UBN1: variants seen among roughly 807,000 people sequenced by gnomAD.
UBN1 encodes the protein ubinuclein 1.
UBN1 carries 17 observed loss-of-function variants against 108.5 expected under a neutral mutation model. That is an observed-to-expected ratio of 0.16 (90% CI 0.11 to 0.24). The LOEUF (loss-of-function observed/expected upper bound fraction) is 0.24. Among genes scored for constraint, UBN1 ranks in the 10% least tolerant of loss-of-function variants. The probability of loss-of-function intolerance (pLI) is 1.00; values close to 1 mark genes in which losing one functional copy is unlikely to be tolerated. For synonymous variants in UBN1, 726 were observed against 564.2 expected (o/e 1.29, Z -4.07); for missense variants, 1,595 against 1,394.4 (o/e 1.14, Z -2.29).
chr16:4,849,354 CA>C (rs1444557950), intron 1 of UBN1, among the ~76,000 whole-genome samples: 1 of 151,918 alleles, frequency 6.6e-6, no homozygotes. Flanking sequence ...AAAACAAAAA[CA>C]AAAACCAAAA....
rs1045860010 is a variant in UBN1 at position 4,858,620 on chromosome 16, A to G, written c.389A>G (p.Tyr130Cys). 1 of 1,614,214 alleles carries G rather than the reference A, an allele frequency of 6.2e-7. No homozygotes were observed. Among genetic ancestry groups the G allele is most frequent in the South Asian group, 1.1e-5 (1 of 91,092 alleles). ...DRIQDLIDMG[Y>C]GYDESDSFID... is the part of the protein sequence containing the mutation. Reference sequence around the variant, plus strand: ...ATACAGGACTTGATCGATATGGGGTATGGTTATGATGAATCCGACTCCTTC... The same window carrying G: ...ATACAGGACTTGATCGATATGGGGTGTGGTTATGATGAATCCGACTCCTTC... Residue 130 changes from tyrosine (Y) to cysteine (C), a missense_variant, in exon 4 of 18, where the codon TAT (tyrosine) becomes TGT (cysteine). Tyr to Cys is a radical substitution (Grantham distance 194, BLOSUM62 -2). This residue lies in a region of UBN1 where 16 missense variants were observed against 42.4 expected (regional missense o/e 0.38). Coordinates refer to ENST00000262376, the MANE Select transcript of UBN1 (RefSeq NM_001079514.3).
intron 12 of UBN1, 39 bp from the exon 13 acceptor site, chr16:4,872,845 T>C: frequency 6.2e-7 from 1 of 1,613,308 alleles, no homozygotes; most frequent in African/African-American, 1.3e-5. Flanking sequence ...CCCAGCTTTC[T>C]GGGGCATGTA....
At position 4,868,935 on chromosome 16, in the gene UBN1, C is replaced by G; in HGVS notation, c.1181+32C>G. 2.5e-6 allele frequency: 4 copies of G among 1,607,738 alleles called. 1 individual carries two copies. In the South Asian group the frequency reaches 3.3e-5, roughly 13 times the overall value. On this transcript the variant is annotated intron_variant, in intron 8 of 17. Transcript: ENST00000262376. ...ATCGTCTGTCTGTCTGTCTGTCTGT[C>G]TGTTTCTGCTATTACTGAGCTTGGG...
intron 8 of UBN1, among the ~76,000 whole-genome samples, chr16:4,869,857 G>A (rs991930770): frequency 4.6e-5 from 7 of 152,258 alleles, no homozygotes; most frequent in South Asian, 2.1e-4. Flanking sequence ...AAATGCTGCC[G>A]GGAAGTGTCT....
intron 17 of UBN1, among the ~76,000 whole-genome samples, chr16:4,879,765 C>A (rs1192039305): frequency 6.6e-6 from 1 of 152,172 alleles, no homozygotes; most frequent in South Asian, 2.1e-4. Context: ...TCTGTGTGAT[C>A]GTCAGGCCTC....
chr16:4,871,741 C>A (rs1443661136), intron 12 of UBN1, among the ~76,000 whole-genome samples: 1 of 151,940 alleles, frequency 6.6e-6, no homozygotes, highest in Non-Finnish European at 1.5e-5. Flanking sequence ...TGCCTGCCAC[C>A]ATGCCCGGCT....
rs575978414 is a variant in UBN1 at position 4,861,568 on chromosome 16, G to C, written c.1110+466G>C. On this transcript the variant is annotated intron_variant, in intron 7 of 17. Coordinates refer to ENST00000262376, the MANE Select transcript of UBN1 (RefSeq NM_001079514.3). The stretch of plus-strand genomic sequence containing the variant: ...CGCTCCCTTGCGTTGTGTATCCAGT[G>C]TTAGGTAGTGATTACAGGAATGCCT... Among the ~76,000 whole-genome samples, 9 of 152,368 alleles carry C rather than the reference G, an allele frequency of 5.9e-5. No homozygotes were observed. In the East Asian group the frequency reaches 1.7e-3, roughly 29 times the overall value.
intron 8 of UBN1, 118 bp from the exon 9 acceptor site, chr16:4,870,094 C>A: frequency 1.4e-6 from 2 of 1,476,828 alleles, no homozygotes; most frequent in Non-Finnish European, 1.8e-6. Context: ...ATTGTGTGAC[C>A]AACAAGACAG....
At chr16:4,873,602 C>G (rs2087741613) in intron 14 of UBN1, among the ~76,000 whole-genome samples, 1 of 152,180 alleles carries the variant, frequency 6.6e-6, no homozygotes, top group Non-Finnish European at 1.5e-5. Flanking sequence ...GTGCCCTTAG[C>G]CATCCCTAAG....
chr16:4,863,030 C>G (rs757005070), intron 7 of UBN1, among the ~76,000 whole-genome samples: 3 of 152,192 alleles, frequency 2.0e-5, no homozygotes, highest in Non-Finnish European at 4.4e-5. Flanking sequence ...TTGCCCTTCT[C>G]CTATAACAGC....
chr16:4,869,893 CT>C (rs2087534415), intron 8 of UBN1, among the ~76,000 whole-genome samples: 1 of 152,158 alleles, frequency 6.6e-6, no homozygotes, highest in Non-Finnish European at 1.5e-5. Context: ...TAACTCATGA[CT>C]TTCCACTTTG....
chr16:4,860,437 C>A (rs1039122185), intron 6 of UBN1, among the ~76,000 whole-genome samples: 2 of 152,322 alleles, frequency 1.3e-5, no homozygotes, highest in South Asian at 4.1e-4. Context: ...AAAAACCCGT[C>A]GGAAATTTAG....
rs1567905300 is a variant in UBN1 at position 4,859,930 on chromosome 16, G to A, written c.633G>A (p.Lys211=). 4.3e-6 allele frequency: 7 copies of A among 1,614,128 alleles called. No homozygotes were observed. Among genetic ancestry groups the A allele is most frequent in the Non-Finnish European group, 4.2e-6 (5 of 1,180,024 alleles). The change falls in exon 6 of 18, where the codon AAG becomes AAA. Residue 211 remains lysine (K), a synonymous_variant. Transcript: ENST00000262376. ...KKKKKDDTYD[K]EKKSKKSKFS... Reference sequence around the variant, plus strand: ...AGAAAAAAGATGACACTTATGACAAGGAGAAGAAATCGAAAAAGTCCAAGT... The same window carrying A: ...AGAAAAAAGATGACACTTATGACAAAGAGAAGAAATCGAAAAAGTCCAAGT...
At chr16:4,856,139 G>T (rs1020162700) in intron 2 of UBN1, among the ~76,000 whole-genome samples, 1 of 152,146 alleles carries the variant, frequency 6.6e-6, no homozygotes, top group Non-Finnish European at 1.5e-5. Flanking sequence ...AGCAGGAGTT[G>T]GTTAATGTGT....
intron 14 of UBN1, among the ~76,000 whole-genome samples, chr16:4,873,767 C>A (rs1596522637): frequency 1.3e-5 from 2 of 152,138 alleles, no homozygotes; most frequent in Non-Finnish European, 2.9e-5. Context: ...TTCTTTGAAC[C>A]CAGTCTGAGG....
intron 6 of UBN1, among the ~76,000 whole-genome samples, chr16:4,860,433 C>G (rs1211925256): frequency 2.0e-5 from 3 of 152,190 alleles, no homozygotes; most frequent in East Asian, 1.9e-4. Flanking sequence ...TTCTAAAAAC[C>G]CGTCGGAAAT....
At chr16:4,851,143 C>G (rs922300389) in intron 1 of UBN1, among the ~76,000 whole-genome samples, 1 of 152,164 alleles carries the variant, frequency 6.6e-6, no homozygotes, top group Non-Finnish European at 1.5e-5. Context: ...ACAGCCTCTC[C>G]TCATACTTTA....
chr16:4,858,133 A>G (rs1010852775), intron 3 of UBN1, 57 bp downstream of exon 3: 13 of 1,135,274 alleles, frequency 1.1e-5, no homozygotes, highest in Non-Finnish European at 1.6e-5. Flanking sequence ...ACGTTTCCAC[A>G]CTGTATTCCT....
At chr16:4,878,987 G>C (rs573136393) in intron 17 of UBN1, among the ~76,000 whole-genome samples, 43 of 152,322 alleles carry the variant, frequency 2.8e-4, no homozygotes, top group African/African-American at 1.0e-3. Context: ...ACTCCAGCCT[G>C]GGCAAGAGTG....
Sources: allele counts gnomAD v4.1 joint callset (sites outside exome capture counted in the v4.1 genomes callset), GRCh38; gene constraint gnomAD v4.1.1; regional missense constraint gnomAD v4.1.1; transcripts MANE v1.5; gene names NCBI Gene and HGNC (gene_info 2026-07-23, HGNC 2026-07-21).